HNF1A: variants seen among roughly 807,000 people sequenced by gnomAD.
HNF1A encodes the protein hepatocyte nuclear factor 1-alpha.
HNF1A carries 21 observed loss-of-function variants against 62.2 expected under a neutral mutation model. That is an observed-to-expected ratio of 0.34 (90% CI 0.24 to 0.49). The LOEUF is 0.49. HNF1A is among the 20% of genes least tolerant of loss of function. The probability of loss-of-function intolerance (pLI) is 0.99; values close to 1 mark genes in which losing one functional copy is unlikely to be tolerated. For synonymous variants in HNF1A, 374 were observed against 366.8 expected (o/e 1.02, Z -0.22); for missense variants, 687 against 832.3 (o/e 0.83, Z 2.15).
Position 121,002,277 on chromosome 12 carries a change from G to A in HNF1A, c.*1085G>A. 1 of 442,114 alleles carries A rather than the reference G, an allele frequency of 2.3e-6. No homozygotes were observed. Among genetic ancestry groups the A allele is most frequent in the African/African-American group, 2.0e-5 (1 of 50,776 alleles). 27.4% of individuals were successfully genotyped at this position (442,114 alleles called of 1,614,324 possible). On this transcript the variant is annotated 3_prime_UTR_variant, in exon 10 of 10. Transcript: ENST00000257555. ...GAGGGCAGTTCGCAGCCACCCTGAG[G>A]AGTCTGAGGTCCTGAGCACTGCCAG...
chr12:120,989,927 T>A (rs755135922), intron 2 of HNF1A, among the ~76,000 whole-genome samples: 2 of 151,922 alleles, frequency 1.3e-5, no homozygotes, highest in Non-Finnish European at 2.9e-5. Context: ...AGGAACAGCA[T>A]CAGTAAAGGC....
intron 1 of HNF1A, among the ~76,000 whole-genome samples, chr12:120,980,132 A>C (rs1401863134): frequency 6.6e-6 from 1 of 152,214 alleles, no homozygotes; most frequent in Non-Finnish European, 1.5e-5. Flanking sequence ...AGTCCTGGGC[A>C]GAAGCTATTG....
rs144925246 is a variant in HNF1A, at chr12:120,983,977, AAGAG to A, written c.327-4849_327-4846del. Among the ~76,000 whole-genome samples, 1,088 of 149,316 alleles carry A rather than the reference AAGAG, an allele frequency of 7.3e-3. 9 individuals are homozygous for A. The highest frequency in any genetic ancestry group is 0.026 in the African/African-American group (1,035 of 39,604). The stretch of plus-strand genomic sequence containing the variant: ...GTGTAAGAGACACACAGAGAGACAG[AAGAG>A]AGAGAGTGATAGCAAGGGAGTGGGG... On this transcript the variant is annotated intron_variant, in intron 1 of 9. Transcript: ENST00000257555.
chr12:120,980,223 A>G (rs921694528), intron 1 of HNF1A, among the ~76,000 whole-genome samples: 12 of 152,160 alleles, frequency 7.9e-5, no homozygotes, highest in Admixed American at 6.5e-4. Context: ...TGAGGCCCCA[A>G]ACCTACTCTG....
At chr12:120,982,778 G>A (rs1389486101) in intron 1 of HNF1A, among the ~76,000 whole-genome samples, 1 of 152,144 alleles carries the variant, frequency 6.6e-6, no homozygotes, top group African/African-American at 2.4e-5. Context: ...CCAGGACTTG[G>A]ACCTGGGTCC....
chr12:120,998,008 G>A, intron 7 of HNF1A: 1 of 574,302 alleles, frequency 1.7e-6, no homozygotes, highest in South Asian at 2.0e-5. Flanking sequence ...GGCCAGGCGT[G>A]GTGGCTCATG....
intron 1 of HNF1A, among the ~76,000 whole-genome samples, chr12:120,985,483 GAA>G (rs111934888): frequency 7.9e-6 from 1 of 127,062 alleles, no homozygotes; most frequent in Non-Finnish European, 1.7e-5. Flanking sequence ...CTGTCTCTAT[GAA>G]AAAAAAAAAA....
At position 120,978,686 on chromosome 12, in the gene HNF1A, C is replaced by T; in HGVS notation, c.-83C>T. On this transcript the variant is annotated 5_prime_UTR_variant, in exon 1 of 10. Coordinates refer to ENST00000257555, the MANE Select transcript of HNF1A (RefSeq NM_000545.8). The stretch of plus-strand genomic sequence containing the variant: ...AAGGAGTTTGGTTTGTGTCTGCCGG[C>T]CGGCAGGCAAACGCAACCCACGCGG... The T allele has an allele frequency of 7.5e-7, 1 of 1,334,394 alleles. No individual in the cohort carries two copies. Among genetic ancestry groups the T allele is most frequent in the Non-Finnish European group, 1.1e-6 (1 of 932,444 alleles). 82.7% of individuals were successfully genotyped at this position (1,334,394 alleles called of 1,614,324 possible). A position where few individuals can be genotyped will look rare whatever the true frequency, so the allele number is the denominator to read the frequency against.
chr12:121,000,826 G>A (rs1179356403), intron 9 of HNF1A: 1 of 556,760 alleles, frequency 1.8e-6, no homozygotes, highest in African/African-American at 1.9e-5. Flanking sequence ...CATCTCACCG[G>A]GGCTTCTCCA....
rs1877081244 is a variant in HNF1A at position 120,996,038 on chromosome 12, G to C, written c.956-224G>C. Among the ~76,000 whole-genome samples, 1 of 152,226 alleles carries C rather than the reference G, an allele frequency of 6.6e-6. No homozygotes were observed. Among genetic ancestry groups the C allele is most frequent in the Admixed American group, 6.5e-5 (1 of 15,280 alleles). On this transcript the variant is annotated intron_variant, in intron 4 of 9. Coordinates refer to ENST00000257555, the MANE Select transcript of HNF1A (RefSeq NM_000545.8). The surrounding 1 kb of genome is among the most constrained non-coding windows in gnomAD (Gnocchi z 4.5). ...CATGTCAGGTATAGCACTAGGCAGT[G>C]GGAGGAATGGAGCTAATAAATGCAG...
At chr12:120,999,199 G>A (rs534808137) in intron 7 of HNF1A, 69 bp from the exon 8 acceptor site, 2 of 1,596,898 alleles carry the variant, frequency 1.3e-6, no homozygotes, top group Non-Finnish European at 1.7e-6. Context: ...CCTTTCCCCA[G>A]TCTTGAGGCC....
At position 120,999,582 on chromosome 12, in the gene HNF1A, A is replaced by C. The variant is rs2135851546; in HGVS notation, c.1723A>C (p.Ile575Leu). ...LHVPSQDPAS[I>L]QHLQPAHRLS... Reference sequence around the variant, plus strand: ...CGTCCCCAGCCAGGACCCTGCCAGCATCCAGCACCTGCAGCCGGCCCACCG... The same window carrying C: ...CGTCCCCAGCCAGGACCCTGCCAGCCTCCAGCACCTGCAGCCGGCCCACCG... The change falls in exon 9 of 10, where the codon ATC becomes CTC. Residue 575 changes from isoleucine to leucine, a missense_variant. By Grantham distance (5) the Ile-to-Leu change is conservative (BLOSUM62 2). Around this residue, in one of 5 missense-constraint regions of HNF1A, gnomAD observed 408 missense variants for 455.3 expected, o/e 0.90. Coordinates refer to ENST00000257555, the MANE Select transcript of HNF1A (RefSeq NM_000545.8). 2 of 1,612,324 alleles carry C rather than the reference A, an allele frequency of 1.2e-6. No homozygotes were observed. The highest frequency in any genetic ancestry group is 1.7e-6 in the Non-Finnish European group (2 of 1,179,670).
At chr12:120,995,013 T>C (rs1877028760) in intron 4 of HNF1A, among the ~76,000 whole-genome samples, 2 of 150,500 alleles carry the variant, frequency 1.3e-5, no homozygotes, top group South Asian at 4.2e-4. Flanking sequence ...CTCCATCTAC[T>C]ACATTCAACT....
intron 1 of HNF1A, among the ~76,000 whole-genome samples, chr12:120,986,268 G>C (rs1876505768): frequency 6.6e-6 from 1 of 152,148 alleles, no homozygotes. Flanking sequence ...TGGGCACACA[G>C]AGCTTCCTCA....
chr12:120,996,488 G>C lies in HNF1A; in HGVS notation c.1108-53G>C. The C allele has an allele frequency of 4.3e-6, 7 of 1,613,356 alleles. No individual in the cohort carries two copies. The highest frequency in any genetic ancestry group is 3.4e-6 in the Non-Finnish European group (4 of 1,179,828). On this transcript the variant is annotated intron_variant, in intron 5 of 9. Coordinates refer to ENST00000257555, the MANE Select transcript of HNF1A (RefSeq NM_000545.8). This position sits in a 1 kb window ranked among gnomAD's most constrained non-coding sequence, Gnocchi z 4.5. ...GGGAGATTCTGGAGCAGTCCCTAGGGAGGCCCTGTGGGGACCCCGGCCCCC... is the reference window on the plus strand; with the variant it reads ...GGGAGATTCTGGAGCAGTCCCTAGGCAGGCCCTGTGGGGACCCCGGCCCCC...
chr12:120,989,994 G>T (rs920205063), intron 2 of HNF1A, among the ~76,000 whole-genome samples: 1 of 152,018 alleles, frequency 6.6e-6, no homozygotes, highest in African/African-American at 2.4e-5. Flanking sequence ...GAAGCTCTGG[G>T]AGCCCTATTA....
At position 121,001,231 on chromosome 12, in the gene HNF1A, G is replaced by T. The variant is rs758414199; in HGVS notation, c.*39G>T. On this transcript the variant is annotated 3_prime_UTR_variant, in exon 10 of 10. Coordinates refer to ENST00000257555, the MANE Select transcript of HNF1A (RefSeq NM_000545.8). The stretch of plus-strand genomic sequence containing the variant: ...GCCCTGGGGCCTGTACTGCCTGCTT[G>T]GGGGGTGATGAGGGCAGCAGCCAGC... 6 of 1,610,100 alleles carry T rather than the reference G, an allele frequency of 3.7e-6. No individual in the cohort carries two copies. The highest frequency in any genetic ancestry group is 1.7e-5 in the Admixed American group (1 of 59,756).
At chr12:120,998,866 TTTAGTATAGTAGCACCTGTGC>T (rs1877258960) in intron 7 of HNF1A, among the ~76,000 whole-genome samples, 1 of 152,010 alleles carries the variant, frequency 6.6e-6, no homozygotes, top group South Asian at 2.1e-4. Context: ...AGCACCTGTG[TTTAGTATAGTAGCACCTGTGC>T]TTAGTACATA....
At position 120,994,323 on chromosome 12, in the gene HNF1A, A is replaced by G. The variant is rs1246467862; in HGVS notation, c.873A>G (p.Pro291=). 2 of 1,609,050 alleles carry G rather than the reference A, an allele frequency of 1.2e-6. No homozygotes were observed. The highest frequency in any genetic ancestry group is 1.7e-6 in the Non-Finnish European group (2 of 1,178,054). Residue 291 remains proline (P), a synonymous_variant, in exon 4 of 10, where the codon CCA becomes CCG. Coordinates refer to ENST00000257555, the MANE Select transcript of HNF1A (RefSeq NM_000545.8). ...LAMDTYSGPP[P]GPGPGPALPA... ...TGGACACGTACAGCGGGCCCCCCCC[A>G]GGGCCAGGCCCGGGACCTGCGCTGC...
Sources: gnomAD v4.1 joint callset for allele counts (sites outside exome capture counted in the v4.1 genomes callset) on GRCh38, gnomAD v4.1.1 for gene constraint, gnomAD v4.1.1 regional missense constraint, Gnocchi (gnomAD v3.1) non-coding constraint, MANE v1.5 for transcripts, NCBI Gene and HGNC (gene_info 2026-07-23, HGNC 2026-07-21) for gene names.